The following LRRC8D variants were observed in gnomAD, a reference collection of about 807,000 sequenced individuals.
LRRC8D encodes volume-regulated anion channel subunit LRRC8D.
Under a neutral mutation model 55.8 loss-of-function variants are expected in LRRC8D, and 20 were observed. The ratio of observed to expected loss-of-function variants is 0.36; its 90% CI spans 0.25 to 0.52. The LOEUF is 0.52. Among genes scored for constraint, LRRC8D ranks in the 20% least tolerant of loss-of-function variants. The pLI is 0.93. For missense variants in LRRC8D, 651 were observed against 1,030.8 expected (o/e 0.63, Z 5.05); for synonymous variants, 352 against 377.0 (o/e 0.93, Z 0.77).
rs1660619700 is a variant in LRRC8D, at chr1:89,821,173, G to C, written c.-266G>C. On this transcript the variant is annotated 5_prime_UTR_variant, in exon 1 of 3. Coordinates refer to ENST00000337338, the MANE Select transcript of LRRC8D (RefSeq NM_001134479.2). ...GCGGGGCCGCGGGAGCAGGGTCCAG[G>C]GTGCAGCGCGCCTTCGCCGCCCCGG... 6.6e-6 allele frequency: 1 copy of C among 151,932 alleles called. No homozygotes were observed. The highest frequency in any genetic ancestry group is 1.5e-5 in the Non-Finnish European group (1 of 67,992). The allele number at this position is 151,932 out of a possible 1,614,324, so 9.4% of individuals were successfully genotyped here.
intron 1 of LRRC8D, among the ~76,000 whole-genome samples, chr1:89,839,685 A>G (rs1661086931): frequency 1.3e-5 from 2 of 152,124 alleles, no homozygotes; most frequent in East Asian, 3.9e-4. Flanking sequence ...AGTGCCAGAG[A>G]CCTCCTTCCC....
chr1:89,929,265 G>T (rs1468056660), intron 2 of LRRC8D, among the ~76,000 whole-genome samples: 1 of 152,158 alleles, frequency 6.6e-6, no homozygotes, highest in Admixed American at 6.5e-5. Flanking sequence ...TCTGGAAAAG[G>T]CTGCAGAAAC....
rs1557492936 is a variant in LRRC8D, at chr1:89,935,657, AT to A, written c.*13del. 2 of 1,609,742 alleles carry A rather than the reference AT, an allele frequency of 1.2e-6. No homozygotes were observed. The highest frequency in any genetic ancestry group is 1.3e-5 in the African/African-American group (1 of 75,002). ...CAAATGGGATTTAAACTAAGATAATATATGCACAGTGATGTGCAGGAACAAC... is the reference window on the plus strand; with the variant it reads ...CAAATGGGATTTAAACTAAGATAATAATGCACAGTGATGTGCAGGAACAAC... On this transcript the variant is annotated 3_prime_UTR_variant, in exon 3 of 3. Coordinates refer to ENST00000337338, the MANE Select transcript of LRRC8D (RefSeq NM_001134479.2).
chr1:89,920,642 G>A (rs1406622398), intron 2 of LRRC8D, among the ~76,000 whole-genome samples: 1 of 143,338 alleles, frequency 7.0e-6, no homozygotes, highest in Non-Finnish European at 1.5e-5. Flanking sequence ...TTGTATACTT[G>A]TAATACCCAT....
rs192110252 is a variant in LRRC8D, at chr1:89,906,730, A to G, written c.-2-26337A>G. ...ATTCTTAGATGGGCTCTGGAGTATG[A>G]CCAGCCTGTGTGCATGCATTTGTAG... is the stretch of plus-strand genomic sequence containing the variant. On this transcript the variant is annotated intron_variant, in intron 2 of 2. Transcript: ENST00000337338. Among the ~76,000 whole-genome samples the G allele has an allele frequency of 3.9e-5, 6 of 152,220 alleles. No individual in the cohort carries two copies. In the South Asian group the frequency reaches 8.3e-4, roughly 21 times the overall value.
At chr1:89,908,979 A>G (rs1207126260) in intron 2 of LRRC8D, among the ~76,000 whole-genome samples, 3 of 152,066 alleles carry the variant, frequency 2.0e-5, no homozygotes, top group African/African-American at 7.2e-5. Flanking sequence ...TTTCCTTGAA[A>G]TCTAGATGCA....
intron 2 of LRRC8D, among the ~76,000 whole-genome samples, chr1:89,914,240 C>T (rs1663200755): frequency 6.6e-6 from 1 of 152,204 alleles, no homozygotes; most frequent in African/African-American, 2.4e-5. Context: ...GAAGGGCTGG[C>T]CAACTGCTCC....
Position 89,909,503 on chromosome 1 carries a change from G to A in LRRC8D, c.-2-23564G>A, listed in dbSNP as rs115229246. ...TTTCCTAATTTAAGAGACAGAGGATGTATATGGGGTTCCAATGGTACATCG... is the reference window on the plus strand; with the variant it reads ...TTTCCTAATTTAAGAGACAGAGGATATATATGGGGTTCCAATGGTACATCG... On this transcript the variant is annotated intron_variant, in intron 2 of 2. Coordinates refer to ENST00000337338, the MANE Select transcript of LRRC8D (RefSeq NM_001134479.2). Among the ~76,000 whole-genome samples, 853 of 151,832 alleles carry A rather than the reference G, an allele frequency of 5.6e-3. 3 individuals carry two copies. Among genetic ancestry groups the A allele is most frequent in the African/African-American group, 0.02 (813 of 41,382 alleles).
chr1:89,916,668 A>G lies in LRRC8D; in HGVS notation c.-2-16399A>G, dbSNP rs74228340. ...TAACTCTGTGTCTCCTCATCTTTTGATTTTCTTGCTTTTCTGTTCTCTCTT... is the reference window on the plus strand; with the variant it reads ...TAACTCTGTGTCTCCTCATCTTTTGGTTTTCTTGCTTTTCTGTTCTCTCTT... On this transcript the variant is annotated intron_variant, in intron 2 of 2. Transcript: ENST00000337338. Among the ~76,000 whole-genome samples, 1,086 of 151,158 alleles carry G rather than the reference A, an allele frequency of 7.2e-3. 14 individuals carry two copies. The highest frequency in any genetic ancestry group is 0.037 in the East Asian group (190 of 5,134).
chr1:89,909,682 C>T (rs570620031), intron 2 of LRRC8D, among the ~76,000 whole-genome samples: 70 of 151,936 alleles, frequency 4.6e-4, no homozygotes, highest in African/African-American at 1.5e-3. Context: ...CTGGCTAACA[C>T]GGTGAAACCC....
At position 89,896,227 on chromosome 1, in the gene LRRC8D, G is replaced by A. The variant is rs181814250; in HGVS notation, c.-2-36840G>A. On this transcript the variant is annotated intron_variant, in intron 2 of 2. Transcript: ENST00000337338. ...AAGACTCCCTTGTGGGTGAGTGGGA[G>A]GGTAGAGGGGTGGATGAAGGTGGTA... 4.6e-5 allele frequency among the ~76,000 whole-genome samples: 7 copies of A among 152,290 alleles called. No individual in the cohort carries two copies. The East Asian group carries it at 1.4e-3, about 29-fold the overall frequency.
chr1:89,839,877 C>T (rs1420100816), intron 1 of LRRC8D, among the ~76,000 whole-genome samples: 1 of 152,170 alleles, frequency 6.6e-6, no homozygotes, highest in African/African-American at 2.4e-5. Flanking sequence ...CAGAGAATTG[C>T]TTGTGGCAAA....
chr1:89,907,215 T>C (rs1663018541), intron 2 of LRRC8D, among the ~76,000 whole-genome samples: 1 of 123,930 alleles, frequency 8.1e-6, no homozygotes, highest in Non-Finnish European at 1.7e-5. Flanking sequence ...TTTTTGATAC[T>C]GAGTCTCACT....
intron 2 of LRRC8D, among the ~76,000 whole-genome samples, chr1:89,890,238 T>C (rs1662542844): frequency 1.3e-5 from 2 of 151,950 alleles, no homozygotes; most frequent in African/African-American, 4.8e-5. Flanking sequence ...TCCAAAAACA[T>C]TGTAGGAGAG....
chr1:89,883,998 T>C (rs779901400), intron 2 of LRRC8D, among the ~76,000 whole-genome samples: 7 of 152,234 alleles, frequency 4.6e-5, no homozygotes, highest in Non-Finnish European at 8.8e-5. Context: ...CATTTAGTTC[T>C]TATTCATTAT....
At chr1:89,885,724 A>G (rs751104248) in intron 2 of LRRC8D, among the ~76,000 whole-genome samples, 1 of 152,182 alleles carries the variant, frequency 6.6e-6, no homozygotes, top group Non-Finnish European at 1.5e-5. Flanking sequence ...TCTTTGAGAG[A>G]ATAAACACAT....
intron 1 of LRRC8D, among the ~76,000 whole-genome samples, chr1:89,822,607 G>A (rs1018631134): frequency 6.6e-6 from 1 of 152,104 alleles, no homozygotes; most frequent in African/African-American, 2.4e-5. Context: ...GTCTGGACAG[G>A]CAGGGAATCC....
intron 1 of LRRC8D, among the ~76,000 whole-genome samples, chr1:89,842,502 A>G (rs573015717): frequency 6.6e-6 from 1 of 152,348 alleles, no homozygotes; most frequent in East Asian, 1.9e-4. Context: ...TGCTTCAGTC[A>G]AAACTGAGCT....
intron 1 of LRRC8D, among the ~76,000 whole-genome samples, chr1:89,841,404 C>CG (rs386367613): frequency 2.0e-5 from 3 of 151,440 alleles, no homozygotes; most frequent in Non-Finnish European, 4.4e-5. Flanking sequence ...CCACCCCCCC[C>CG]CTTTTTTTTG....
Sources: allele counts gnomAD v4.1 joint callset (sites outside exome capture counted in the v4.1 genomes callset), GRCh38; gene constraint gnomAD v4.1.1; transcripts MANE v1.5; gene names NCBI Gene and HGNC (gene_info 2026-07-23, HGNC 2026-07-21).